The following SLC12A7 variants were observed in gnomAD, a reference collection of about 807,000 sequenced individuals.
SLC12A7 encodes the protein K-Cl cotransporter 4.
SLC12A7 carries 100 observed loss-of-function variants against 120.6 expected under a neutral mutation model. The ratio of observed to expected loss-of-function variants is 0.83; its 90% CI spans 0.71 to 0.98. The LOEUF (loss-of-function observed/expected upper bound fraction) is 0.98, where lower values mean the gene tolerates loss of function less well. Ranked by LOEUF, SLC12A7 falls within the 50% of genes least tolerant of loss-of-function variation. The pLI is 0.00. For missense variants in SLC12A7, 1,373 were observed against 1,548.1 expected (o/e 0.89, Z 1.90); for synonymous variants, 760 against 678.0 (o/e 1.12, Z -1.88).
the SLC12A7 span, among the ~76,000 whole-genome samples, chr5:1,141,438 G>A: frequency 3.9e-5 from 3 of 76,776 alleles, no homozygotes; most frequent in East Asian, 1.4e-3. Context: ...CTGCTGCCAC[G>A]GGCACCACAG....
At chr5:1,147,352 C>A in the SLC12A7 span, among the ~76,000 whole-genome samples, 1 of 150,380 alleles carries the variant, frequency 6.6e-6, no homozygotes, top group African/African-American at 2.5e-5. Context: ...GCGGTAAGAC[C>A]CCAAATCCAG....
intron 3 of SLC12A7, among the ~76,000 whole-genome samples, chr5:1,090,327 G>A (rs1740356752): frequency 6.6e-6 from 1 of 152,236 alleles, no homozygotes; most frequent in Admixed American, 6.5e-5. Flanking sequence ...GCAGCTCGGA[G>A]CGTGGGAAGC....
the SLC12A7 span, among the ~76,000 whole-genome samples, chr5:1,140,890 C>T: frequency 6.6e-6 from 1 of 152,232 alleles, no homozygotes; most frequent in African/African-American, 2.4e-5. Context: ...GAGGGGAACC[C>T]CTTGGGAGGC....
intron 22 of SLC12A7, among the ~76,000 whole-genome samples, chr5:1,056,833 C>T (rs183399838): frequency 2.0e-5 from 3 of 152,328 alleles, no homozygotes; most frequent in African/African-American, 4.8e-5. Flanking sequence ...AACCCACACC[C>T]GCAAGGACCC....
At position 1,089,197 on chromosome 5, in the gene SLC12A7, G is replaced by A. The variant is rs1473810475; in HGVS notation, c.343-69C>T. ...CCAGAGGGAGCCCCCTCCCCAGGCTGCACTCAGGCCCTGGGCAGGCAAAGC... is the reference window on the plus strand; with the variant it reads ...CCAGAGGGAGCCCCCTCCCCAGGCTACACTCAGGCCCTGGGCAGGCAAAGC... On this transcript the variant is annotated intron_variant, in intron 3 of 23. Transcript: ENST00000264930. 17 of 1,553,966 alleles carry A rather than the reference G, an allele frequency of 1.1e-5. No homozygotes were observed. The Middle Eastern group carries it at 5.2e-4, about 47-fold the overall frequency.
chr5:1,117,621 C>T, the SLC12A7 span, among the ~76,000 whole-genome samples: 1 of 152,172 alleles, frequency 6.6e-6, no homozygotes, highest in Non-Finnish European at 1.5e-5. The surrounding 1 kb of genome is among the most constrained non-coding windows in gnomAD (Gnocchi z 4.5). Context: ...TCAGCTGGCA[C>T]CACTCAGACC....
At chr5:1,086,185 C>T (rs1739846194) in intron 6 of SLC12A7, among the ~76,000 whole-genome samples, 1 of 152,172 alleles carries the variant, frequency 6.6e-6, no homozygotes, top group South Asian at 2.1e-4. Context: ...TGAAAGGTTT[C>T]AGAACCTTCT....
At chr5:1,057,286 G>C in intron 22 of SLC12A7, 185 bp downstream of exon 22, 1 of 602,144 alleles carries the variant, frequency 1.7e-6, no homozygotes, top group East Asian at 3.0e-5. Flanking sequence ...TGAACTCAGG[G>C]CCCGGCCTTG....
At chr5:1,139,898 G>A in the SLC12A7 span, among the ~76,000 whole-genome samples, 5 of 152,322 alleles carry the variant, frequency 3.3e-5, no homozygotes, top group African/African-American at 7.2e-5. Flanking sequence ...ATCTCCAAAC[G>A]GCGTTTCCGG....
At chr5:1,101,910 T>G (rs2150900704) in intron 1 of SLC12A7, among the ~76,000 whole-genome samples, 1 of 152,134 alleles carries the variant, frequency 6.6e-6, no homozygotes, top group South Asian at 2.1e-4. Context: ...CTGCCCCTGC[T>G]CACCGGACCT....
intron 1 of SLC12A7, among the ~76,000 whole-genome samples, chr5:1,110,511 G>C (rs1742915960): frequency 6.6e-6 from 1 of 152,258 alleles, no homozygotes; most frequent in South Asian, 2.1e-4. Context: ...AAAAGCAAAT[G>C]ACACTTACAG....
the SLC12A7 span, among the ~76,000 whole-genome samples, chr5:1,122,987 CG>C: frequency 6.6e-6 from 1 of 152,254 alleles, no homozygotes; most frequent in African/African-American, 2.4e-5. Context: ...CCTGGGGGCG[CG>C]GGGCCTGACC....
Position 1,077,806 on chromosome 5 carries a change from TCCCCCCGA to T in SLC12A7, c.1629+19_1629+26del, listed in dbSNP as rs1561063828. ...AGCCCCCGACCCTGACCTTCCAGGG[TCCCCCCGA>T]CGAGGGTGCGGGACTCACCTGCAGG... On this transcript the variant is annotated intron_variant, in intron 12 of 23. Transcript: ENST00000264930. 6.5e-7 allele frequency: 1 copy of T among 1,540,616 alleles called. No homozygotes were observed. The highest frequency in any genetic ancestry group is 1.2e-5 in the South Asian group (1 of 82,894).
intron 1 of SLC12A7, among the ~76,000 whole-genome samples, chr5:1,094,533 A>G (rs991382919): frequency 3.9e-5 from 6 of 152,170 alleles, no homozygotes; most frequent in African/African-American, 1.4e-4. Context: ...CTATCCCCAG[A>G]ACACACGCTA....
the SLC12A7 span, among the ~76,000 whole-genome samples, chr5:1,154,394 G>C: frequency 4.1e-5 from 5 of 122,304 alleles, no homozygotes; most frequent in Admixed American, 8.0e-5. Context: ...CACACACAGA[G>C]ACACATACAA....
intron 1 of SLC12A7, among the ~76,000 whole-genome samples, chr5:1,109,290 G>A (rs889367411): frequency 2.0e-5 from 3 of 152,096 alleles, no homozygotes; most frequent in Admixed American, 6.5e-5. Flanking sequence ...ATGTGGTCAC[G>A]GAGGAAGGGT....
chr5:1,055,005 CG>C (rs1306572826), intron 22 of SLC12A7, among the ~76,000 whole-genome samples: 18 of 152,154 alleles, frequency 1.2e-4, no homozygotes, highest in African/African-American at 4.3e-4. Flanking sequence ...GAGTGGGCAG[CG>C]TGTCCACAGC....
chr5:1,057,791 TC>T, intron 21 of SLC12A7, 142 bp from the exon 22 acceptor site: 1 of 765,568 alleles, frequency 1.3e-6, no homozygotes, highest in Non-Finnish European at 2.1e-6. Context: ...CAGCCTGGCG[TC>T]CCACACTGGT....
At chr5:1,059,174 G>C (rs2150783861) in intron 21 of SLC12A7, among the ~76,000 whole-genome samples, 1 of 152,322 alleles carries the variant, frequency 6.6e-6, no homozygotes, top group Middle Eastern at 3.4e-3. Context: ...GACCCCCGTG[G>C]AAGGGGTCTC....
Sources: allele counts gnomAD v4.1 joint callset (sites outside exome capture counted in the v4.1 genomes callset), GRCh38; gene constraint gnomAD v4.1.1; non-coding constraint Gnocchi (gnomAD v3.1); transcripts MANE v1.5; gene names NCBI Gene and HGNC (gene_info 2026-07-23, HGNC 2026-07-21).